The following GRXCR1 variants were observed in gnomAD, a reference collection of about 807,000 sequenced individuals.
GRXCR1 encodes glutaredoxin and cysteine rich domain containing 1.
In GRXCR1, 27 loss-of-function variants were observed where a neutral mutation model predicts 27.3. The observed-to-expected ratio is 0.99, with a 90% CI of 0.73 to 1.37. The LOEUF is 1.37. Among genes scored for constraint, GRXCR1 ranks in the 40% most tolerant of loss-of-function variants. The probability of loss-of-function intolerance (pLI) is 0.00; values close to 1 mark genes in which losing one functional copy is unlikely to be tolerated. For synonymous variants in GRXCR1, 122 were observed against 131.1 expected, an observed-to-expected ratio of 0.93 and a Z score of 0.47; for missense variants, 379 against 354.4, an observed-to-expected ratio of 1.07 and a Z score of -0.56.
At chr4:42,990,827 T>G (rs928862089) in intron 2 of GRXCR1, among the ~76,000 whole-genome samples, 1 of 152,120 alleles carries the variant, frequency 6.6e-6, no homozygotes. Context: ...AGTCTCCTTT[T>G]TACATATATA....
chr4:42,943,625 GAACAAC>G (rs373981790), intron 1 of GRXCR1, among the ~76,000 whole-genome samples: 15 of 151,952 alleles, frequency 9.9e-5, no homozygotes, highest in Non-Finnish European at 1.9e-4. Context: ...ATGAAAATGA[GAACAAC>G]AACAACAGCA....
chr4:42,948,439 G>A (rs890940763), intron 1 of GRXCR1, among the ~76,000 whole-genome samples: 17 of 152,154 alleles, frequency 1.1e-4, no homozygotes, highest in African/African-American at 3.1e-4. Context: ...TGGAAGAACA[G>A]TGTGTTTCAT....
intron 3 of GRXCR1, among the ~76,000 whole-genome samples, chr4:43,024,202 T>TTTTTTTC (rs1218229773): frequency 2.0e-5 from 3 of 148,740 alleles, no homozygotes; most frequent in Non-Finnish European, 4.5e-5. Flanking sequence ...CTGTCCTTTT[T>TTTTTTTC]TTTTTTTTTT....
rs188009271 is a variant in GRXCR1, at chr4:43,021,568, C to A, written c.693+1149C>A. ...ATTAAGTATCTACTGTTTACAGGTA[C>A]TTTGCTAAGGGAGACAACAATGTCC... is the stretch of plus-strand genomic sequence containing the variant. On this transcript the variant is annotated intron_variant, in intron 3 of 3. Coordinates refer to ENST00000399770, the MANE Select transcript of GRXCR1 (RefSeq NM_001080476.3). 1.2e-3 allele frequency among the ~76,000 whole-genome samples: 185 copies of A among 152,264 alleles called. 1 individual carries two copies. The highest frequency in any genetic ancestry group is 0.01 in the Admixed American group (159 of 15,288).
In GRXCR1 at chr4:43,007,079, G is replaced by A. The variant is rs141151779; in HGVS notation, c.628-13275G>A. ...TGCACTCCATTACAGATTGAAAACT[G>A]AAATAGGGTTAACTAATAGATTCTG... is the stretch of plus-strand genomic sequence containing the variant. On this transcript the variant is annotated intron_variant, in intron 2 of 3. Coordinates refer to ENST00000399770, the MANE Select transcript of GRXCR1 (RefSeq NM_001080476.3). 6.6e-4 allele frequency among the ~76,000 whole-genome samples: 100 copies of A among 152,300 alleles called. 1 individual carries two copies. Among genetic ancestry groups the A allele is most frequent in the African/African-American group, 2.3e-3 (97 of 41,564 alleles).
intron 1 of GRXCR1, among the ~76,000 whole-genome samples, chr4:42,905,456 G>A (rs1001193249): frequency 6.6e-5 from 10 of 152,170 alleles, no homozygotes; most frequent in African/African-American, 1.2e-4. Context: ...TGAGCCACAC[G>A]GTGGACTGCT....
At chr4:42,997,387 A>G (rs1387887095) in intron 2 of GRXCR1, among the ~76,000 whole-genome samples, 1 of 152,192 alleles carries the variant, frequency 6.6e-6, no homozygotes, top group Non-Finnish European at 1.5e-5. Context: ...TTCAAACTGT[A>G]ACTAAAATCT....
chr4:43,019,082 A>C (rs993848629), intron 2 of GRXCR1, among the ~76,000 whole-genome samples: 2 of 152,184 alleles, frequency 1.3e-5, no homozygotes, highest in Non-Finnish European at 2.9e-5. Context: ...CTCCTATACT[A>C]TAGGACTGTT....
At chr4:43,011,166 C>T (rs953049218) in intron 2 of GRXCR1, among the ~76,000 whole-genome samples, 1 of 152,152 alleles carries the variant, frequency 6.6e-6, no homozygotes, top group Admixed American at 6.6e-5. Context: ...AAGCAGGGAT[C>T]GACCACAAAA....
intron 3 of GRXCR1, among the ~76,000 whole-genome samples, chr4:43,026,915 G>A (rs1042097709): frequency 1.3e-5 from 2 of 152,244 alleles, no homozygotes; most frequent in Middle Eastern, 3.4e-3. Context: ...GAAGTAGCCC[G>A]AGAATCTTTC....
chr4:43,006,793 T>G (rs1342589282), intron 2 of GRXCR1, among the ~76,000 whole-genome samples: 2 of 152,210 alleles, frequency 1.3e-5, no homozygotes, highest in Non-Finnish European at 2.9e-5. Context: ...CCTCTCCTTT[T>G]GAAAATCCCT....
rs776001788 is a variant in GRXCR1 at position 42,962,932 on chromosome 4, A to C, written c.425A>C (p.Tyr142Ser). 6.2e-7 allele frequency: 1 copy of C among 1,612,542 alleles called. No homozygotes were observed. Among genetic ancestry groups the C allele is most frequent in the African/African-American group, 1.3e-5 (1 of 74,852 alleles). ...CTAGAATTTGACCGTGTAGTGATTTATACCACCTGCCTTCGTGTGGTCCGG... is the reference window on the plus strand; with the variant it reads ...CTAGAATTTGACCGTGTAGTGATTTCTACCACCTGCCTTCGTGTGGTCCGG... ...TDLEFDRVVI[Y>S]TTCLRVVRTT... Residue 142 changes from tyrosine (Y) to serine (S), a missense_variant, in exon 2 of 4, where the codon TAT (tyrosine) becomes TCT (serine). Physicochemically the swap from Tyr to Ser is moderately radical, Grantham distance 144 (BLOSUM62 -2). Transcript: ENST00000399770.
intron 2 of GRXCR1, among the ~76,000 whole-genome samples, chr4:42,983,837 T>G (rs1349896960): frequency 6.8e-6 from 1 of 147,314 alleles, no homozygotes. Context: ...AGATTTTCTT[T>G]CTTTTTTTTT....
intron 1 of GRXCR1, among the ~76,000 whole-genome samples, chr4:42,911,973 T>G (rs1171019202): frequency 2.0e-5 from 3 of 152,098 alleles, no homozygotes; most frequent in Non-Finnish European, 2.9e-5. Context: ...TGATGGGAGA[T>G]AAAATTGGAA....
intron 1 of GRXCR1, among the ~76,000 whole-genome samples, chr4:42,910,314 C>T (rs922858362): frequency 1.3e-5 from 2 of 152,148 alleles, no homozygotes; most frequent in African/African-American, 4.8e-5. Flanking sequence ...GTATTGATTA[C>T]TGCTATGAAC....
intron 3 of GRXCR1, among the ~76,000 whole-genome samples, chr4:43,022,166 TTAAAC>T (rs755133961): frequency 6.6e-5 from 10 of 152,242 alleles, no homozygotes; most frequent in Admixed American, 5.2e-4. Context: ...TGTACACACT[TTAAAC>T]TAATTTAAAT....
At chr4:42,913,135 G>A (rs1041234422) in intron 1 of GRXCR1, among the ~76,000 whole-genome samples, 3 of 152,140 alleles carry the variant, frequency 2.0e-5, no homozygotes, top group African/African-American at 7.2e-5. Context: ...CTTCACAGCA[G>A]GGCAAGACTG....
chr4:42,896,260 C>T (rs181933517), intron 1 of GRXCR1, among the ~76,000 whole-genome samples: 1 of 151,982 alleles, frequency 6.6e-6, no homozygotes, highest in African/African-American at 2.4e-5. Context: ...GCAATTTTTG[C>T]CTTAAAATAT....
intron 1 of GRXCR1, among the ~76,000 whole-genome samples, chr4:42,922,953 G>C (rs1053934904): frequency 3.3e-5 from 5 of 151,998 alleles, no homozygotes; most frequent in Non-Finnish European, 7.4e-5. Flanking sequence ...CCATCACCTT[G>C]CCAGCTCTCT....
Sources: gnomAD v4.1 joint callset for allele counts (sites outside exome capture counted in the v4.1 genomes callset) on GRCh38, gnomAD v4.1.1 for gene constraint, MANE v1.5 for transcripts, NCBI Gene and HGNC (gene_info 2026-07-23, HGNC 2026-07-21) for gene names.